Variants in TDRD7 observed in about 807,000 individuals in gnomAD.
The protein encoded by TDRD7 is tudor domain containing 7.
In TDRD7, 47 loss-of-function variants were observed where a neutral mutation model predicts 109.8. The ratio of observed to expected loss-of-function variants is 0.43; its 90% CI spans 0.34 to 0.55. TDRD7 has a LOEUF of 0.55. TDRD7 is among the 20% of genes least tolerant of loss of function. The probability of loss-of-function intolerance (pLI) is 0.03; values close to 1 mark genes in which losing one functional copy is unlikely to be tolerated. For synonymous variants in TDRD7, 424 were observed against 457.3 expected, an observed-to-expected ratio of 0.93 and a Z score of 0.93; for missense variants, 1,164 against 1,319.2, an observed-to-expected ratio of 0.88 and a Z score of 1.82.
intron 1 of TDRD7, among the ~76,000 whole-genome samples, chr9:97,419,988 A>G (rs185345160): frequency 4.6e-5 from 7 of 152,312 alleles, no homozygotes; most frequent in Non-Finnish European, 1.0e-4. Context: ...GCATTATTAT[A>G]GATACTAGAT....
intron 15 of TDRD7, among the ~76,000 whole-genome samples, chr9:97,485,215 GAAC>G (rs1355694629): frequency 6.6e-6 from 1 of 152,106 alleles, no homozygotes; most frequent in Non-Finnish European, 1.5e-5. Flanking sequence ...CGCAGCATAA[GAAC>G]AACTTGGAAA....
At chr9:97,419,123 A>C (rs751490686) in intron 1 of TDRD7, among the ~76,000 whole-genome samples, 6 of 152,228 alleles carry the variant, frequency 3.9e-5, no homozygotes, top group Non-Finnish European at 8.8e-5. Flanking sequence ...CATTATATCT[A>C]TATGTAATGC....
At chr9:97,457,723 G>A (rs1275216849) in intron 6 of TDRD7, among the ~76,000 whole-genome samples, 1 of 152,114 alleles carries the variant, frequency 6.6e-6, no homozygotes, top group Non-Finnish European at 1.5e-5. Flanking sequence ...GCAAAGACAT[G>A]GAACCAACCA....
rs185316376 is a variant in TDRD7 at position 97,476,852 on chromosome 9, A to T, written c.2166+1383A>T. Reference sequence around the variant, plus strand: ...AAATGCTGCACAGCAACATTTTGATAACTTAATTGAATTGATTTTTTTCAT... The same window carrying T: ...AAATGCTGCACAGCAACATTTTGATTACTTAATTGAATTGATTTTTTTCAT... On this transcript the variant is annotated intron_variant, in intron 12 of 16. Transcript: ENST00000355295. Among the ~76,000 whole-genome samples, 26 of 152,282 alleles carry T rather than the reference A, an allele frequency of 1.7e-4. No individual in the cohort carries two copies. The East Asian group carries it at 4.4e-3, about 26-fold the overall frequency.
At chr9:97,427,306 T>C (rs1200194253) in intron 1 of TDRD7, among the ~76,000 whole-genome samples, 1 of 152,188 alleles carries the variant, frequency 6.6e-6, no homozygotes, top group African/African-American at 2.4e-5. Context: ...GAAATGATTC[T>C]TTCCTCCTTT....
At chr9:97,494,996 C>T (rs904538675) in intron 16 of TDRD7, among the ~76,000 whole-genome samples, 1 of 152,132 alleles carries the variant, frequency 6.6e-6, no homozygotes, top group Admixed American at 6.5e-5. Flanking sequence ...CAGGTGTGAG[C>T]CACTGTGCCC....
chr9:97,466,650 A>T (rs1273978860), intron 8 of TDRD7, among the ~76,000 whole-genome samples: 1 of 152,224 alleles, frequency 6.6e-6, no homozygotes, highest in Non-Finnish European at 1.5e-5. Flanking sequence ...AGTTTCATGG[A>T]CAAACCTCAC....
intron 5 of TDRD7, 120 bp downstream of exon 5, chr9:97,439,438 T>C: frequency 6.2e-6 from 5 of 804,766 alleles, no homozygotes; most frequent in Admixed American, 1.9e-5. Context: ...CTTCCTCCCC[T>C]TTTTCCTAAT....
intron 1 of TDRD7, among the ~76,000 whole-genome samples, chr9:97,417,923 A>G (rs555424174): frequency 7.2e-5 from 11 of 152,278 alleles, no homozygotes; most frequent in Non-Finnish European, 1.6e-4. Context: ...TCAGGAGTTC[A>G]AGACCAGCCT....
intron 15 of TDRD7, among the ~76,000 whole-genome samples, chr9:97,484,669 G>T (rs1197647162): frequency 6.6e-6 from 1 of 152,136 alleles, no homozygotes; most frequent in African/African-American, 2.4e-5. Flanking sequence ...CATACAATTT[G>T]TATGTCATAA....
intron 6 of TDRD7, among the ~76,000 whole-genome samples, chr9:97,444,808 A>G (rs1374252410): frequency 1.3e-5 from 2 of 152,244 alleles, no homozygotes; most frequent in Non-Finnish European, 2.9e-5. Flanking sequence ...TACCACCCAG[A>G]GATTACTACT....
At chr9:97,484,514 G>A (rs1376621163) in intron 15 of TDRD7, among the ~76,000 whole-genome samples, 1 of 151,166 alleles carries the variant, frequency 6.6e-6, no homozygotes, top group Non-Finnish European at 1.5e-5. Flanking sequence ...AGTTTAAAAG[G>A]TCAAACTGCT....
rs1001754965 is a variant in TDRD7 at position 97,460,383 on chromosome 9, G to A, written c.1061G>A (p.Ser354Asn). The A allele has an allele frequency of 1.2e-6, 2 of 1,614,072 alleles. No homozygotes were observed. Among genetic ancestry groups the A allele is most frequent in the Non-Finnish European group, 8.5e-7 (1 of 1,180,040 alleles). ...KVADLLVKYT[S>N]GLWASALPKA... ...GCAGACCTGCTGGTGAAATACACAA[G>A]TGGCCTTTGGGCCAGTGCACTTCCG... is the stretch of plus-strand genomic sequence containing the variant. Residue 354 changes from serine to asparagine, a missense_variant, in exon 7 of 17, where the codon AGT becomes AAT. By Grantham distance (46) the Ser-to-Asn change is conservative. Coordinates refer to ENST00000355295, the MANE Select transcript of TDRD7 (RefSeq NM_014290.3).
In TDRD7 at chr9:97,439,256, A is replaced by G. The variant is rs748113269; in HGVS notation, c.575A>G (p.Lys192Arg). 6.2e-7 allele frequency: 1 copy of G among 1,600,896 alleles called. No homozygotes were observed. The highest frequency in any genetic ancestry group is 8.5e-7 in the Non-Finnish European group (1 of 1,178,564). Residue 192 changes from lysine (K) to arginine (R), a missense_variant, in exon 5 of 17, where the codon AAG (lysine) becomes AGG (arginine). Around this residue, in one of 5 missense-constraint regions of TDRD7, gnomAD observed 407 missense variants for 394.0 expected, o/e 1.03. Transcript: ENST00000355295. Reference protein sequence around the residue: ...TMSTNNRFSPKASLQPPLQMH... With the variant: ...TMSTNNRFSPRASLQPPLQMH... Reference sequence around the variant, plus strand: ...TTTTAATATCTTAGGTTTAGCCCAAAGGCGTCCCTTCAACCACCTTTGCAG... The same window carrying G: ...TTTTAATATCTTAGGTTTAGCCCAAGGGCGTCCCTTCAACCACCTTTGCAG...
chr9:97,430,144 A>G (rs1452648507), intron 2 of TDRD7, among the ~76,000 whole-genome samples: 1 of 152,228 alleles, frequency 6.6e-6, no homozygotes, highest in African/African-American at 2.4e-5. Context: ...ACAGGTCTGT[A>G]GAGAGCATCT....
chr9:97,423,649 C>G (rs1387170196), intron 1 of TDRD7, among the ~76,000 whole-genome samples: 1 of 152,096 alleles, frequency 6.6e-6, no homozygotes, highest in Admixed American at 6.5e-5. Context: ...CTAACAGAAA[C>G]ATAATGCTAT....
chr9:97,456,507 C>T (rs1351105427), intron 6 of TDRD7, among the ~76,000 whole-genome samples: 1 of 152,074 alleles, frequency 6.6e-6, no homozygotes, highest in African/African-American at 2.4e-5. Context: ...AGAACAGAGA[C>T]CTCAGAAATA....
intron 13 of TDRD7, among the ~76,000 whole-genome samples, chr9:97,480,185 T>C (rs1443515826): frequency 6.6e-6 from 1 of 152,206 alleles, no homozygotes; most frequent in Non-Finnish European, 1.5e-5. Flanking sequence ...AGGAAATCCC[T>C]GAGTTCACTT....
In TDRD7 at chr9:97,451,880, C is replaced by A. The variant is rs567645693; in HGVS notation, c.856-8298C>A. Among the ~76,000 whole-genome samples the A allele has an allele frequency of 6.6e-5, 10 of 152,296 alleles. No homozygotes were observed. The East Asian group carries it at 1.9e-3, about 29-fold the overall frequency. On this transcript the variant is annotated intron_variant, in intron 6 of 16. Transcript: ENST00000355295. ...ATTGATTGACTGAAGTGGGGAGACCCCCCCACCCATTTGGTCACACAAGTC... is the reference window on the plus strand; with the variant it reads ...ATTGATTGACTGAAGTGGGGAGACCACCCCACCCATTTGGTCACACAAGTC...
Sources: allele counts gnomAD v4.1 joint callset (sites outside exome capture counted in the v4.1 genomes callset), GRCh38; gene constraint gnomAD v4.1.1; regional missense constraint gnomAD v4.1.1; transcripts MANE v1.5; gene names NCBI Gene and HGNC (gene_info 2026-07-23, HGNC 2026-07-21).